The following MTMR8 variants were observed in gnomAD, a reference collection of about 807,000 sequenced individuals.
MTMR8 encodes myotubularin related protein 8.
MTMR8 carries 65 observed loss-of-function variants against 39.3 expected under a neutral mutation model. That is an observed-to-expected ratio of 1.65 (90% confidence interval 1.35 to 2.03). MTMR8 has a LOEUF of 2.03. Ranked by LOEUF, MTMR8 falls within the 30% of genes most tolerant of loss-of-function variation. The probability of loss-of-function intolerance (pLI) is 0.00; values close to 1 mark genes in which losing one functional copy is unlikely to be tolerated. For synonymous variants in MTMR8, 245 were observed against 185.2 expected (o/e 1.32, Z -2.62); for missense variants, 777 against 538.9 (o/e 1.44, Z -4.37).
chrX:64,354,754 G>A (rs771622689), intron 4 of MTMR8, 23 bp downstream of exon 4: 1 of 1,153,604 alleles, frequency 8.7e-7, no homozygotes, highest in South Asian at 2.1e-5. Flanking sequence ...GCACCAAAAG[G>A]CAAACAACAA....
chrX:64,344,191 G>C (rs1923291076), intron 7 of MTMR8, among the ~76,000 whole-genome samples: 1 of 111,282 alleles, frequency 9.0e-6, no homozygotes, highest in Non-Finnish European at 1.9e-5. Context: ...TTATCCAGCA[G>C]AGGGAAATCT....
chrX:64,335,102 C>T (rs1923040674), intron 10 of MTMR8, among the ~76,000 whole-genome samples: 1 of 110,671 alleles, frequency 9.0e-6, no homozygotes, highest in South Asian at 3.9e-4. Context: ...GAAAATAAGA[C>T]CTGAATTATA....
Position 64,354,810 on chromosome X carries a change from G to C in MTMR8, c.435C>G (p.Asn145Lys), listed in dbSNP as rs1279377582. Residue 145 changes from asparagine (N) to lysine (K), a missense_variant, in exon 4 of 14, where the codon AAC becomes AAG. Asn to Lys is a moderately conservative substitution (Grantham distance 94, BLOSUM62 0). Transcript: ENST00000374852. ...TTCTGTTGGCATCTGTTATGGTCCA[G>C]TTTCTGTTGGGTATTCCCATACGCC... ...DFGRMGIPNR[N>K]WTITDANRNY... 1 of 1,204,330 alleles carries C rather than the reference G, an allele frequency of 8.3e-7. No individual in the cohort carries two copies. Among genetic ancestry groups the C allele is most frequent in the Middle Eastern group, 2.3e-4 (1 of 4,316 alleles).
At chrX:64,309,573 G>A (rs1404783891) in intron 12 of MTMR8, among the ~76,000 whole-genome samples, 1 of 111,481 alleles carries the variant, frequency 9.0e-6, no homozygotes, top group African/African-American at 3.3e-5. Flanking sequence ...CCAATCTGTA[G>A]GTCTTTCATT....
intron 11 of MTMR8, among the ~76,000 whole-genome samples, chrX:64,329,780 C>T (rs1922896216): frequency 9.0e-6 from 1 of 111,146 alleles, no homozygotes; most frequent in Non-Finnish European, 1.9e-5. Flanking sequence ...CTTTGTACAT[C>T]CATCTTTCTC....
At chrX:64,353,495 C>T (rs1414489304) in intron 4 of MTMR8, among the ~76,000 whole-genome samples, 3 of 111,939 alleles carry the variant, frequency 2.7e-5, no homozygotes, top group Non-Finnish European at 1.9e-5. Flanking sequence ...TGAAAAAATG[C>T]TCAACATCAA....
intron 1 of MTMR8, among the ~76,000 whole-genome samples, chrX:64,362,170 T>C (rs1923797974): frequency 9.1e-6 from 1 of 109,701 alleles, no homozygotes; most frequent in Admixed American, 9.8e-5. Flanking sequence ...TAATGAAGGA[T>C]ATAGAATATA....
At chrX:64,334,438 A>G (rs147367895) in intron 10 of MTMR8, among the ~76,000 whole-genome samples, 38 of 108,765 alleles carry the variant, frequency 3.5e-4, no homozygotes, top group African/African-American at 1.3e-3. Flanking sequence ...GCCCCTTGCC[A>G]CCAATTTCAA....
chrX:64,384,733 C>T (rs1924515431), intron 1 of MTMR8, among the ~76,000 whole-genome samples: 1 of 112,631 alleles, frequency 8.9e-6, no homozygotes, highest in East Asian at 2.8e-4. Flanking sequence ...CCCAGGGCTG[C>T]AGGGCCTTCG....
intron 1 of MTMR8, among the ~76,000 whole-genome samples, chrX:64,392,577 C>CT (rs1406534224): frequency 2.8e-5 from 3 of 105,836 alleles, no homozygotes; most frequent in Non-Finnish European, 3.8e-5. Flanking sequence ...TAGTAATGTT[C>CT]TTTTTTTTGT....
intron 12 of MTMR8, among the ~76,000 whole-genome samples, chrX:64,275,234 T>G (rs1167077851): frequency 9.0e-6 from 1 of 111,127 alleles, no homozygotes; most frequent in East Asian, 2.8e-4. Context: ...TGATAAATTA[T>G]AGTGATAATT....
chrX:64,285,193 C>G (rs1280221373), intron 12 of MTMR8, among the ~76,000 whole-genome samples: 1 of 111,493 alleles, frequency 9.0e-6, no homozygotes, highest in East Asian at 2.8e-4. Context: ...ATAAAACAGA[C>G]TTTAAATCAA....
intron 12 of MTMR8, among the ~76,000 whole-genome samples, chrX:64,327,373 T>C (rs1381885818): frequency 8.9e-6 from 1 of 111,818 alleles, no homozygotes; most frequent in Non-Finnish European, 1.9e-5. Flanking sequence ...GCAAAAGATC[T>C]GAATAGATAC....
chrX:64,368,308 G>A lies in MTMR8; in HGVS notation c.25-8781C>T, dbSNP rs960357124. Among the ~76,000 whole-genome samples the A allele has an allele frequency of 7.2e-5, 8 of 111,569 alleles. No individual in the cohort carries two copies. In the East Asian group the frequency reaches 1.1e-3, roughly 16 times the overall value. ...AAGAGCCCGCATTGCCAAGACAATC[G>A]TAAGCAGAAAGAACAAAGCTGGAGG... On this transcript the variant is annotated intron_variant, in intron 1 of 13. Coordinates refer to ENST00000374852, the MANE Select transcript of MTMR8 (RefSeq NM_017677.4).
chrX:64,331,237 G>A (rs1922931545), intron 11 of MTMR8, among the ~76,000 whole-genome samples: 1 of 111,978 alleles, frequency 8.9e-6, no homozygotes, highest in Admixed American at 9.5e-5. Flanking sequence ...ATATGAGTGA[G>A]AAAGGACTGT....
chrX:64,297,498 T>A lies in MTMR8; in HGVS notation c.1482-26425A>T, dbSNP rs781093276. On this transcript the variant is annotated intron_variant, in intron 12 of 13. Transcript: ENST00000374852. ...GGATATTAGCCCTTTGTCAGATGAG[T>A]AGGTTGCGAAAATTTTCTCCCATTT... 1.3e-3 allele frequency among the ~76,000 whole-genome samples: 109 copies of A among 84,677 alleles called. 1 individual carries two copies. The highest frequency in any genetic ancestry group is 4.6e-3 in the African/African-American group (104 of 22,719). 73.5% of individuals were successfully genotyped at this position (84,677 alleles called of 115,157 possible).
chrX:64,360,776 T>A (rs1923758317), intron 1 of MTMR8, among the ~76,000 whole-genome samples: 1 of 111,779 alleles, frequency 8.9e-6, no homozygotes, highest in Non-Finnish European at 1.9e-5. Flanking sequence ...AATAAAAATT[T>A]GAAGGACAGA....
intron 12 of MTMR8, among the ~76,000 whole-genome samples, chrX:64,296,229 A>G (rs1049167660): frequency 2.7e-5 from 3 of 111,500 alleles, no homozygotes; most frequent in Non-Finnish European, 3.8e-5. Context: ...CAAATATTCT[A>G]TGACTTCACT....
Position 64,354,902 on chromosome X carries a change from T to G in MTMR8, c.343A>C (p.Asn115His). 8.3e-7 allele frequency: 1 copy of G among 1,201,739 alleles called. No individual in the cohort carries two copies. Among genetic ancestry groups the G allele is most frequent in the Non-Finnish European group, 1.1e-6 (1 of 891,038 alleles). The change falls in exon 4 of 14, where the codon AAT becomes CAT. Residue 115 changes from asparagine to histidine, a missense_variant. By Grantham distance (68) the Asn-to-His change is moderately conservative. Transcript: ENST00000374852. Reference sequence around the variant, plus strand: ...CTCATCTCTTTTGAGGATTTGGGATTATAAGAAAAAGCATAAAGATCTTCA... The same window carrying G: ...CTCATCTCTTTTGAGGATTTGGGATGATAAGAAAAAGCATAAAGATCTTCA... The part of the protein sequence containing the change: ...LPEDLYAFSY[N>H]PKSSKEMRES...
Sources: gnomAD v4.1 joint callset for allele counts (sites outside exome capture counted in the v4.1 genomes callset) on GRCh38, gnomAD v4.1.1 for gene constraint, MANE v1.5 for transcripts, NCBI Gene and HGNC (gene_info 2026-07-23, HGNC 2026-07-21) for gene names.